Variants in ANO10 observed in about 807,000 individuals in gnomAD.
ANO10 encodes the protein anoctamin-10.
Under a neutral mutation model 74.7 loss-of-function variants are expected in ANO10, and 77 were observed. That is an observed-to-expected ratio of 1.03 (90% confidence interval 0.86 to 1.25). ANO10 has a LOEUF of 1.25. ANO10 is among the 50% of genes most tolerant of loss of function. The pLI is 0.00. For missense variants in ANO10, 721 were observed against 778.1 expected (o/e 0.93, Z 0.87); for synonymous variants, 279 against 284.9 (o/e 0.98, Z 0.21).
intron 1 of ANO10, among the ~76,000 whole-genome samples, chr3:43,634,305 A>C (rs1439471972): frequency 6.6e-6 from 1 of 152,014 alleles, no homozygotes; most frequent in East Asian, 1.9e-4. Context: ...TTAATAATTA[A>C]AAAAAATAAG....
intron 11 of ANO10, among the ~76,000 whole-genome samples, chr3:43,470,253 T>G (rs888684707): frequency 6.6e-6 from 1 of 152,216 alleles, no homozygotes; most frequent in African/African-American, 2.4e-5. Flanking sequence ...TACTGAATGA[T>G]TCCAACATTC....
At chr3:43,498,401 G>A (rs971884567) in intron 11 of ANO10, among the ~76,000 whole-genome samples, 5 of 152,172 alleles carry the variant, frequency 3.3e-5, no homozygotes, top group African/African-American at 1.2e-4. Flanking sequence ...TGTGTAGTAG[G>A]GCAGATGTGA....
intron 12 of ANO10, among the ~76,000 whole-genome samples, chr3:43,388,482 G>A (rs1166708510): frequency 6.6e-6 from 1 of 152,060 alleles, no homozygotes; most frequent in African/African-American, 2.4e-5. Flanking sequence ...ACATTCCGAA[G>A]GCTCTTTTGT....
intron 7 of ANO10, among the ~76,000 whole-genome samples, chr3:43,566,324 G>A (rs964033804): frequency 1.2e-3 from 188 of 152,370 alleles, no homozygotes; most frequent in African/African-American, 4.4e-3. Context: ...CGAACTGGGT[G>A]GAGCCCACCA....
intron 11 of ANO10, among the ~76,000 whole-genome samples, chr3:43,532,489 T>C (rs1025531444): frequency 6.6e-6 from 1 of 152,236 alleles, no homozygotes; most frequent in Admixed American, 6.5e-5. Context: ...TCCAGTATAA[T>C]ACTGATTCCT....
At chr3:43,373,049 C>G (rs1393571784) in intron 12 of ANO10, among the ~76,000 whole-genome samples, 1 of 152,138 alleles carries the variant, frequency 6.6e-6, no homozygotes, top group African/African-American at 2.4e-5. Context: ...GAAAACACAC[C>G]AGTAGGATGG....
intron 12 of ANO10, among the ~76,000 whole-genome samples, chr3:43,396,931 T>C (rs540423779): frequency 1.3e-5 from 2 of 151,958 alleles, no homozygotes; most frequent in South Asian, 2.1e-4. Flanking sequence ...TCAGGCATTG[T>C]AGTTTTTTTT....
Position 43,598,494 on chromosome 3 carries a change from G to A in ANO10, c.472+38C>T, listed in dbSNP as rs370443912. 13 of 1,605,742 alleles carry A rather than the reference G, an allele frequency of 8.1e-6. No homozygotes were observed. The African/African-American group carries it at 1.5e-4, about 18-fold the overall frequency. ...AAGGCATCTATAATTTGCTATTTAT[G>A]TCTATTAAGAAAAAGACTGGTTGAC... On this transcript the variant is annotated intron_variant, in intron 4 of 12. Coordinates refer to ENST00000292246, the MANE Select transcript of ANO10 (RefSeq NM_018075.5).
intron 11 of ANO10, among the ~76,000 whole-genome samples, chr3:43,468,652 G>A (rs1416473133): frequency 6.6e-6 from 1 of 151,962 alleles, no homozygotes. Context: ...AGGTCAGACT[G>A]TGGTGGTGGT....
At position 43,471,206 on chromosome 3, in the gene ANO10, C is replaced by T. The variant is rs556255811; in HGVS notation, c.1798-38479G>A. Among the ~76,000 whole-genome samples, 25 of 152,262 alleles carry T rather than the reference C, an allele frequency of 1.6e-4. No homozygotes were observed. The South Asian group carries it at 5.2e-3, about 32-fold the overall frequency. Reference sequence around the variant, plus strand: ...GAAACCTATTTATAAAAACATCAAACACTCAACCCCAGTTTTAACTAACAG... The same window carrying T: ...GAAACCTATTTATAAAAACATCAAATACTCAACCCCAGTTTTAACTAACAG... On this transcript the variant is annotated intron_variant, in intron 11 of 12. Transcript: ENST00000292246.
In ANO10 at chr3:43,668,277, G is replaced by C. The variant is rs537005308; in HGVS notation, c.-12+23240C>G. 4.6e-5 allele frequency among the ~76,000 whole-genome samples: 7 copies of C among 151,758 alleles called. No individual in the cohort carries two copies. The South Asian group carries it at 1.5e-3, about 32-fold the overall frequency. Reference sequence around the variant, plus strand: ...ATGTCCTTAGCCCACATTTTTATGGGATTGTTTTTTTTTTCTTGCTGATTT... The same window carrying C: ...ATGTCCTTAGCCCACATTTTTATGGCATTGTTTTTTTTTTCTTGCTGATTT... On this transcript the variant is annotated intron_variant, in intron 1 of 3. Coordinates refer to the ANO10 transcript ENST00000413397.
intron 11 of ANO10, among the ~76,000 whole-genome samples, chr3:43,459,471 G>C (rs1459448842): frequency 6.6e-6 from 1 of 152,168 alleles, no homozygotes; most frequent in Admixed American, 6.5e-5. Context: ...AATGAAACAA[G>C]GTTTCAGAGG....
At chr3:43,390,033 C>T (rs115040101) in intron 12 of ANO10, among the ~76,000 whole-genome samples, 6 of 152,342 alleles carry the variant, frequency 3.9e-5, no homozygotes, top group East Asian at 1.9e-4. Context: ...AACAGTCATA[C>T]GCAAGAAAGG....
chr3:43,624,455 C>T (rs990249102), upstream of ANO10, among the ~76,000 whole-genome samples: 3 of 152,132 alleles, frequency 2.0e-5, no homozygotes, highest in African/African-American at 7.2e-5. Context: ...GTGCTGTCCT[C>T]GAAATAGTGA....
In ANO10 at chr3:43,542,844, C is replaced by T. The variant is rs2079014412; in HGVS notation, c.1797+6876G>A. Among the ~76,000 whole-genome samples the T allele has an allele frequency of 3.3e-5, 5 of 152,272 alleles. No individual in the cohort carries two copies. In the South Asian group the frequency reaches 1.0e-3, roughly 32 times the overall value. Reference sequence around the variant, plus strand: ...CCTGTGCCTTGACCAAGTACTCAGCCCTGTGTTTGGCATTTCACATATACA... The same window carrying T: ...CCTGTGCCTTGACCAAGTACTCAGCTCTGTGTTTGGCATTTCACATATACA... On this transcript the variant is annotated intron_variant, in intron 11 of 12. Coordinates refer to ENST00000292246, the MANE Select transcript of ANO10 (RefSeq NM_018075.5).
chr3:43,450,612 TATG>T (rs1329676230), intron 11 of ANO10, among the ~76,000 whole-genome samples: 1 of 152,198 alleles, frequency 6.6e-6, no homozygotes, highest in Non-Finnish European at 1.5e-5. Context: ...ATTCCCTGGT[TATG>T]ATAAGGAAAT....
chr3:43,426,600 G>A (rs1371865560), intron 12 of ANO10, among the ~76,000 whole-genome samples: 1 of 152,316 alleles, frequency 6.6e-6, no homozygotes, highest in Non-Finnish European at 1.5e-5. Flanking sequence ...CTGCCCAGAA[G>A]CAGGTTAAGT....
chr3:43,609,419 A>G (rs984464205), intron 1 of ANO10, among the ~76,000 whole-genome samples: 6 of 152,248 alleles, frequency 3.9e-5, no homozygotes, highest in African/African-American at 1.4e-4. Context: ...CCAAATATTA[A>G]TAACAAAAAA....
chr3:43,404,465 G>T (rs2092539368), intron 12 of ANO10, among the ~76,000 whole-genome samples: 1 of 152,180 alleles, frequency 6.6e-6, no homozygotes, highest in Non-Finnish European at 1.5e-5. Context: ...AGCCTACTAA[G>T]ACCCTGAGCA....
Sources: allele counts gnomAD v4.1 joint callset (sites outside exome capture counted in the v4.1 genomes callset), GRCh38; gene constraint gnomAD v4.1.1; transcripts MANE v1.5; gene names NCBI Gene and HGNC (gene_info 2026-07-23, HGNC 2026-07-21).